Variants in PGLS observed in about 807,000 individuals in gnomAD.
The protein encoded by PGLS is 6-phosphogluconolactonase, also known as epididymis secretory protein Li 304.
PGLS carries 21 observed loss-of-function variants against 23.2 expected under a neutral mutation model. That is an observed-to-expected ratio of 0.91 (90% CI 0.64 to 1.31). The LOEUF (loss-of-function observed/expected upper bound fraction) is 1.31, where lower values mean the gene tolerates loss of function less well. Among genes scored for constraint, PGLS ranks in the 50% most tolerant of loss-of-function variants. The pLI is 0.00. For synonymous variants in PGLS, 179 were observed against 165.4 expected (o/e 1.08, Z -0.63); for missense variants, 410 against 354.0 (o/e 1.16, Z -1.27).
At chr19:17,512,849 G>C (rs1454677783) in intron 1 of PGLS, 3 of 152,146 alleles carry the variant, frequency 2.0e-5, no homozygotes, top group African/African-American at 7.2e-5. Flanking sequence ...TGGTTTTGTG[G>C]GTTTTTTATT....
intron 1 of PGLS, among the ~76,000 whole-genome samples, chr19:17,514,895 G>A (rs996945707): frequency 2.0e-5 from 3 of 151,956 alleles, no homozygotes; most frequent in Non-Finnish European, 2.9e-5. Context: ...CAGGTGATCC[G>A]CCTGCCTTGG....
chr19:17,517,924 A>T, intron 4 of PGLS, 74 bp downstream of exon 4: 1 of 1,516,610 alleles, frequency 6.6e-7, no homozygotes, highest in Non-Finnish European at 9.0e-7. Context: ...GGCCCCAGAC[A>T]TTATTGTGCT....
Position 17,511,781 on chromosome 19 carries a change from G to T in PGLS, c.109G>T (p.Ala37Ser). The T allele has an allele frequency of 6.7e-7, 1 of 1,497,146 alleles. No homozygotes were observed. The highest frequency in any genetic ancestry group is 8.9e-7 in the Non-Finnish European group (1 of 1,129,826). 92.7% of individuals were successfully genotyped at this position (1,497,146 alleles called of 1,614,324 possible). The change falls in exon 1 of 5, where the codon GCC (alanine) becomes TCC (serine). Residue 37 changes from alanine (A) to serine (S), a missense_variant. Coordinates refer to ENST00000252603, the MANE Select transcript of PGLS (RefSeq NM_012088.3). ...GCGCGCAGCATGCTGCCTGGCAGGGGCCCGCGCCCGTTTCGCGCTCGGCCT... is the reference window on the plus strand; with the variant it reads ...GCGCGCAGCATGCTGCCTGGCAGGGTCCCGCGCCCGTTTCGCGCTCGGCCT... The part of the protein sequence containing the change: ...AQRAACCLAG[A>S]RARFALGLSG...
intron 2 of PGLS, among the ~76,000 whole-genome samples, chr19:17,516,834 A>G (rs555014497): frequency 4.7e-5 from 7 of 149,066 alleles, no homozygotes; most frequent in South Asian, 2.1e-4. Flanking sequence ...TGATCCGCCC[A>G]CCTTGGCCTC....
Position 17,516,174 on chromosome 19 carries a change from C to T in PGLS, c.290C>T (p.Thr97Met), listed in dbSNP as rs143569199. ...ACATTGTCCCTCTGTTGGCTGCAGA[C>T]GCATCTTCTCTCCAGACTGCCGATC... ...HAESTYGLYRTHLLSRLPIPE... is the reference protein window; with the variant it reads ...HAESTYGLYRMHLLSRLPIPE... Residue 97 changes from threonine to methionine, a missense_variant and splice_region_variant, in exon 2 of 5, where the codon ACG (threonine) becomes ATG (methionine). Coordinates refer to ENST00000252603, the MANE Select transcript of PGLS (RefSeq NM_012088.3). 3.7e-5 allele frequency: 59 copies of T among 1,612,418 alleles called. No homozygotes were observed. Among genetic ancestry groups the T allele is most frequent in the Admixed American group, 8.3e-5 (5 of 59,974 alleles).
intron 1 of PGLS, 58 bp from the exon 2 acceptor site, chr19:17,516,115 C>T: frequency 1.5e-6 from 2 of 1,314,852 alleles, no homozygotes; most frequent in Non-Finnish European, 2.2e-6. Context: ...CATAAACTCC[C>T]TGGAGGATCC....
At chr19:17,516,611 G>A (rs1298263924) in intron 2 of PGLS, 1 of 826,270 alleles carries the variant, frequency 1.2e-6, no homozygotes, top group African/African-American at 1.8e-5. Flanking sequence ...TTGAGACGGA[G>A]TCTCACTCTG....
Position 17,516,228 on chromosome 19 carries a change from C to T in PGLS, c.344C>T (p.Pro115Leu). 1 of 1,614,134 alleles carries T rather than the reference C, an allele frequency of 6.2e-7. No individual in the cohort carries two copies. The highest frequency in any genetic ancestry group is 8.5e-7 in the Non-Finnish European group (1 of 1,179,984). Residue 115 changes from proline (P) to leucine (L), a missense_variant, in exon 2 of 5, where the codon CCC becomes CTC. Coordinates refer to ENST00000252603, the MANE Select transcript of PGLS (RefSeq NM_012088.3). ...GAAAGCCAGGTGATCACCATTAACC[C>T]CGAGCTGCCTGTGGAGGAGGCGGCT... ...IPESQVITINPELPVEEAAED... is the reference protein window; with the variant it reads ...IPESQVITINLELPVEEAAED...
chr19:17,521,177 C>G lies in PGLS; in HGVS notation c.*96C>G. ...TCTCCGGGCTCTCCTTTCAAAAAGC[C>G]ACGTCGTGCTGCTGCTGGAAGCCAA... On this transcript the variant is annotated 3_prime_UTR_variant, in exon 5 of 5. Coordinates refer to ENST00000252603, the MANE Select transcript of PGLS (RefSeq NM_012088.3). 2 of 1,295,508 alleles carry G rather than the reference C, an allele frequency of 1.5e-6. No individual in the cohort carries two copies. Among genetic ancestry groups the G allele is most frequent in the Non-Finnish European group, 2.1e-6 (2 of 965,060 alleles). 80.3% of individuals were successfully genotyped at this position (1,295,508 alleles called of 1,614,324 possible).
In PGLS at chr19:17,517,694, G is replaced by A; in HGVS notation, c.499-16G>A. On this transcript the variant is annotated splice_polypyrimidine_tract_variant and intron_variant, in intron 3 of 4. Transcript: ENST00000252603. ...ACATTGTCCTTCTGCCTCCATCCCTGGGCTTCCTCCCCAAGGAGCGGGAGA... is the reference window on the plus strand; with the variant it reads ...ACATTGTCCTTCTGCCTCCATCCCTAGGCTTCCTCCCCAAGGAGCGGGAGA... 1 of 1,613,748 alleles carries A rather than the reference G, an allele frequency of 6.2e-7. No individual in the cohort carries two copies. Among genetic ancestry groups the A allele is most frequent in the Non-Finnish European group, 8.5e-7 (1 of 1,179,934 alleles).
chr19:17,516,487 G>C lies in PGLS; in HGVS notation c.396+207G>C, dbSNP rs1421160492. The C allele has an allele frequency of 2.2e-6, 3 of 1,379,034 alleles. No individual in the cohort carries two copies. The East Asian group carries it at 8.3e-5, about 38-fold the overall frequency. The allele number at this position is 1,379,034 out of a possible 1,614,324, so 85.4% of individuals were successfully genotyped here. A position where few individuals can be genotyped will look rare whatever the true frequency, so the allele number is the denominator to read the frequency against. On this transcript the variant is annotated intron_variant, in intron 2 of 4. Coordinates refer to ENST00000252603, the MANE Select transcript of PGLS (RefSeq NM_012088.3). The stretch of plus-strand genomic sequence containing the variant: ...CTCTGTTGCCCAGGTAACAGGCCTG[G>C]GTCCTCACATCTTGGGGAAATATGA...
intron 4 of PGLS, among the ~76,000 whole-genome samples, chr19:17,519,002 C>CGAGG (rs1321207526): frequency 1.3e-5 from 2 of 151,986 alleles, no homozygotes; most frequent in African/African-American, 4.8e-5. Flanking sequence ...GGGAACATCA[C>CGAGG]GAGAACTCAT....
chr19:17,517,616 G>C, intron 3 of PGLS, 94 bp from the exon 4 acceptor site: 1 of 1,395,098 alleles, frequency 7.2e-7, no homozygotes, highest in Non-Finnish European at 1.0e-6. Context: ...GGATGGGATG[G>C]AACAGTGGCT....
intron 1 of PGLS, chr19:17,515,839 C>G (rs1599689321): frequency 4.0e-6 from 1 of 250,256 alleles, no homozygotes; most frequent in East Asian, 8.5e-5. Context: ...ATGCTGGCCC[C>G]CGCAGGAACC....
At chr19:17,515,330 C>G (rs2075527558) in intron 1 of PGLS, among the ~76,000 whole-genome samples, 1 of 152,222 alleles carries the variant, frequency 6.6e-6, no homozygotes, top group African/African-American at 2.4e-5. Flanking sequence ...TTAGCATTGC[C>G]TCAGCTCACT....
intron 1 of PGLS, among the ~76,000 whole-genome samples, chr19:17,514,160 G>A (rs1480360447): frequency 6.6e-6 from 1 of 152,238 alleles, no homozygotes; most frequent in East Asian, 1.9e-4. Context: ...CTGAAATCAA[G>A]GTGTTGGTGG....
intron 1 of PGLS, chr19:17,515,835 G>T: frequency 4.3e-6 from 1 of 235,282 alleles, no homozygotes; most frequent in South Asian, 5.9e-5. Context: ...TGGAATGCTG[G>T]CCCCCGCAGG....
Position 17,521,067 on chromosome 19 carries a change from C to T in PGLS, c.763C>T (p.His255Tyr). Residue 255 changes from histidine to tyrosine, a missense_variant, in exon 5 of 5, where the codon CAT becomes TAT. Transcript: ENST00000252603. ...CCTCCTGACCGTGCCCTTCGAGAAG[C>T]ATTCCACTTTGTAGCTGGCCAGAGG... Reference protein sequence around the residue: ...ARLLTVPFEKHSTL With the variant: ...ARLLTVPFEKYSTL 1.2e-6 allele frequency: 2 copies of T among 1,601,032 alleles called. No homozygotes were observed. The highest frequency in any genetic ancestry group is 1.7e-6 in the Non-Finnish European group (2 of 1,173,050).
rs780366268 is a variant in PGLS at position 17,517,281 on chromosome 19, C to T, written c.397-7C>T. 41 of 1,606,598 alleles carry T rather than the reference C, an allele frequency of 2.6e-5. No individual in the cohort carries two copies. The highest frequency in any genetic ancestry group is 3.3e-4 in the Middle Eastern group (2 of 6,078). On this transcript the variant is annotated splice_region_variant and splice_polypyrimidine_tract_variant and intron_variant, in intron 2 of 4. Transcript: ENST00000252603. ...ACCTCTCAAGGCTGTCTTCTCCCCA[C>T]GCCCAGGCATTCCAAGGGGACTCCA...
Sources: allele counts gnomAD v4.1 joint callset (sites outside exome capture counted in the v4.1 genomes callset), GRCh38; gene constraint gnomAD v4.1.1; transcripts MANE v1.5; gene names NCBI Gene and HGNC (gene_info 2026-07-23, HGNC 2026-07-21).